Variants in PRKG1 observed in about 807,000 individuals in gnomAD.
PRKG1 encodes cGMP-dependent protein kinase 1.
A neutral mutation model predicts 88.1 loss-of-function variants in PRKG1; 35 were observed. That is an observed-to-expected ratio of 0.40 (90% confidence interval 0.30 to 0.53). The LOEUF (loss-of-function observed/expected upper bound fraction) is 0.53. Among genes scored for constraint, PRKG1 ranks in the 20% least tolerant of loss-of-function variants. PRKG1 has a pLI of 0.59. For synonymous variants in PRKG1, 303 were observed against 292.5 expected, an observed-to-expected ratio of 1.04 and a Z score of -0.37; for missense variants, 540 against 839.8, an observed-to-expected ratio of 0.64 and a Z score of 4.41.
chr10:51,491,753 A>G (rs528215718), intron 3 of PRKG1, among the ~76,000 whole-genome samples: 6 of 152,298 alleles, frequency 3.9e-5, no homozygotes, highest in African/African-American at 1.4e-4. Context: ...GCATCAGATT[A>G]ACTGCAAAAG....
chr10:51,863,999 A>G (rs1038406170), intron 4 of PRKG1, among the ~76,000 whole-genome samples: 1 of 152,070 alleles, frequency 6.6e-6, no homozygotes, highest in Admixed American at 6.6e-5. Flanking sequence ...TTTCTTTCCA[A>G]CTGGTCCTGG....
At chr10:51,662,872 G>A (rs1840333466) in intron 3 of PRKG1, among the ~76,000 whole-genome samples, 1 of 152,078 alleles carries the variant, frequency 6.6e-6, no homozygotes, top group South Asian at 2.1e-4. Flanking sequence ...AGTGAATAGT[G>A]TACTGGGGCA....
intron 3 of PRKG1, among the ~76,000 whole-genome samples, chr10:51,475,840 A>G (rs906779070): frequency 1.3e-5 from 2 of 152,084 alleles, no homozygotes; most frequent in African/African-American, 4.8e-5. Context: ...GGATGTTGGT[A>G]GAAAAACAGA....
intron 3 of PRKG1, among the ~76,000 whole-genome samples, chr10:51,634,149 G>C (rs1237820063): frequency 6.6e-6 from 1 of 152,130 alleles, no homozygotes; most frequent in Non-Finnish European, 1.5e-5. Flanking sequence ...ACAAAGCTCT[G>C]TGACAGTAAT....
chr10:50,999,226 G>A (rs1842863376), intron 1 of PRKG1, among the ~76,000 whole-genome samples: 1 of 152,122 alleles, frequency 6.6e-6, no homozygotes, highest in African/African-American at 2.4e-5. Flanking sequence ...TTAGTCCTAA[G>A]CAGTTAATTT....
chr10:52,243,988 G>A (rs1840934909), intron 9 of PRKG1, among the ~76,000 whole-genome samples: 2 of 152,058 alleles, frequency 1.3e-5, no homozygotes, highest in Non-Finnish European at 2.9e-5. Context: ...GCAAACTAAC[G>A]TTATCTCAAA....
intron 2 of PRKG1, among the ~76,000 whole-genome samples, chr10:51,163,691 C>A (rs886738396): frequency 6.6e-6 from 1 of 152,242 alleles, no homozygotes; most frequent in African/African-American, 2.4e-5. Flanking sequence ...CACTCCCACC[C>A]TAATACTGCG....
chr10:51,581,091 T>A (rs567693454), intron 3 of PRKG1, among the ~76,000 whole-genome samples: 1 of 151,792 alleles, frequency 6.6e-6, no homozygotes, highest in East Asian at 1.9e-4. Context: ...AGGGCAGGAG[T>A]AGGTTAGTGA....
chr10:52,075,651 A>G (rs984871149), intron 7 of PRKG1, among the ~76,000 whole-genome samples: 4 of 152,194 alleles, frequency 2.6e-5, no homozygotes, highest in Non-Finnish European at 5.9e-5. Context: ...AAAATACTGT[A>G]GATTAGGTGG....
chr10:51,737,087 G>A (rs886900745), intron 3 of PRKG1, among the ~76,000 whole-genome samples: 3 of 152,086 alleles, frequency 2.0e-5, no homozygotes, highest in African/African-American at 7.2e-5. Flanking sequence ...TTATTATCAA[G>A]TACACTTTCA....
At chr10:51,457,588 C>G (rs756492136) in intron 2 of PRKG1, among the ~76,000 whole-genome samples, 4 of 152,124 alleles carry the variant, frequency 2.6e-5, no homozygotes, top group Non-Finnish European at 4.4e-5. Flanking sequence ...AGATAAAATA[C>G]CAAAAATAAA....
intron 1 of PRKG1, among the ~76,000 whole-genome samples, chr10:51,078,010 A>G (rs938669974): frequency 6.6e-6 from 1 of 152,210 alleles, no homozygotes; most frequent in Admixed American, 6.5e-5. Flanking sequence ...AATTGATTCT[A>G]TATCATGTTA....
chr10:51,737,745 TTA>T (rs757781513), intron 3 of PRKG1, among the ~76,000 whole-genome samples: 11,848 of 118,270 alleles, frequency 0.1, 572 homozygotes, highest in African/African-American at 0.15. Context: ...TTATTAATTA[TTA>T]TTATTATTAT....
chr10:51,261,590 A>G (rs1438916303), intron 2 of PRKG1, among the ~76,000 whole-genome samples: 1 of 152,178 alleles, frequency 6.6e-6, no homozygotes, highest in Non-Finnish European at 1.5e-5. Flanking sequence ...ATGCCAGGTA[A>G]AGATCAAGTT....
chr10:51,971,294 C>T (rs1843709212), intron 5 of PRKG1, among the ~76,000 whole-genome samples: 1 of 151,904 alleles, frequency 6.6e-6, no homozygotes, highest in African/African-American at 2.4e-5. Flanking sequence ...TTCCACTTCT[C>T]TATGTCCATT....
At chr10:51,676,090 TGA>T (rs1340777818) in intron 3 of PRKG1, among the ~76,000 whole-genome samples, 1 of 151,224 alleles carries the variant, frequency 6.6e-6, no homozygotes, top group South Asian at 2.1e-4. Context: ...GGCAAAATAG[TGA>T]GACTTATTTC....
chr10:51,847,504 T>C (rs1434109158), intron 4 of PRKG1, among the ~76,000 whole-genome samples: 1 of 152,008 alleles, frequency 6.6e-6, no homozygotes, highest in East Asian at 1.9e-4. Context: ...ATATATGTAA[T>C]TACTCATTGC....
intron 8 of PRKG1, among the ~76,000 whole-genome samples, chr10:52,150,391 G>C (rs1279214206): frequency 6.6e-6 from 1 of 151,832 alleles, no homozygotes; most frequent in Non-Finnish European, 1.5e-5. Flanking sequence ...ATGTGACCTC[G>C]AGCAAATTAC....
At chr10:51,959,424 C>A (rs943168750) in intron 5 of PRKG1, among the ~76,000 whole-genome samples, 1 of 151,994 alleles carries the variant, frequency 6.6e-6, no homozygotes, top group East Asian at 1.9e-4. Context: ...AGTACTGCTG[C>A]GCAACTGAAG....
Sources: allele counts gnomAD v4.1 joint callset (sites outside exome capture counted in the v4.1 genomes callset), GRCh38; gene constraint gnomAD v4.1.1; transcripts MANE v1.5; gene names NCBI Gene and HGNC (gene_info 2026-07-23, HGNC 2026-07-21).